Variants in ZNF676 observed in about 807,000 individuals in gnomAD.
ZNF676 encodes zinc finger protein 676.
A neutral mutation model predicts 6.0 loss-of-function variants in ZNF676; 4 were observed. The ratio of observed to expected loss-of-function variants is 0.67; its 90% CI spans 0.33 to 1.53. The LOEUF (loss-of-function observed/expected upper bound fraction) is 1.53. ZNF676 is among the 40% of genes most tolerant of loss of function. The pLI, the probability that ZNF676 is intolerant of heterozygous loss-of-function variation, is 0.06. For synonymous variants in ZNF676, 198 were observed against 223.1 expected (o/e 0.89, Z 1.00); for missense variants, 644 against 679.7 (o/e 0.95, Z 0.58).
At chr19:22,228,672 T>C in the ZNF676 span, among the ~76,000 whole-genome samples, 1 of 152,110 alleles carries the variant, frequency 6.6e-6, no homozygotes, top group Non-Finnish European at 1.5e-5. Flanking sequence ...GGATACAAAA[T>C]CAATGTGCAA....
chr19:22,193,951 G>A (rs1287696372), intron 1 of ZNF676, among the ~76,000 whole-genome samples: 1 of 152,138 alleles, frequency 6.6e-6, no homozygotes, highest in Non-Finnish European at 1.5e-5. Flanking sequence ...CATTTGGGTT[G>A]CACTTGCTTA....
intron 2 of ZNF676, among the ~76,000 whole-genome samples, chr19:22,187,227 C>T (rs1438531782): frequency 1.3e-5 from 2 of 152,172 alleles, no homozygotes; most frequent in African/African-American, 4.8e-5. Flanking sequence ...CACGCAAAAC[C>T]GTACAATTAC....
chr19:22,244,711 C>T, the ZNF676 span: 2 of 152,236 alleles, frequency 1.3e-5, no homozygotes, highest in South Asian at 4.1e-4. Context: ...TCACAATCTT[C>T]TCTATGTGCA....
the ZNF676 span, among the ~76,000 whole-genome samples, chr19:22,253,163 A>G: frequency 6.6e-6 from 1 of 151,930 alleles, no homozygotes; most frequent in African/African-American, 2.4e-5. Flanking sequence ...CCATGTATGA[A>G]CCAGTTTTCC....
At chr19:22,218,693 C>G (rs2024218510), upstream of ZNF676, among the ~76,000 whole-genome samples, 1 of 152,034 alleles carries the variant, frequency 6.6e-6, no homozygotes, top group Non-Finnish European at 1.5e-5. Flanking sequence ...TATCCCAGTA[C>G]CATTCTATTC....
chr19:22,220,461 G>GTTTTTTT (rs58810797), upstream of ZNF676, among the ~76,000 whole-genome samples: 38 of 115,394 alleles, frequency 3.3e-4, no homozygotes, highest in African/African-American at 1.2e-3. Context: ...TTTGTTGGCA[G>GTTTTTTT]TTTTTTTTTT....
In ZNF676 at chr19:22,202,930, A is replaced by C. The variant is rs142362470; in HGVS notation, c.4-6204T>G. Among the ~76,000 whole-genome samples the C allele has an allele frequency of 5.9e-5, 9 of 152,150 alleles. No homozygotes were observed. The East Asian group carries it at 1.2e-3, about 20-fold the overall frequency. On this transcript the variant is annotated intron_variant, in intron 1 of 3. Coordinates refer to the ZNF676 transcript ENST00000650058. ...TGATTCGGGTGCTATCTTTTTGGCT[A>C]TTTACATTTTAAAGCAATAGCTCTC...
chr19:22,221,387 T>C, the ZNF676 span, among the ~76,000 whole-genome samples: 1 of 152,200 alleles, frequency 6.6e-6, no homozygotes, highest in East Asian at 1.9e-4. Flanking sequence ...TGAGTGTTCC[T>C]ATTTGAATTG....
chr19:22,228,560 A>C, the ZNF676 span, among the ~76,000 whole-genome samples: 1 of 152,224 alleles, frequency 6.6e-6, no homozygotes, highest in South Asian at 2.1e-4. Context: ...AGAGGAAGTC[A>C]AATTGTCTCT....
chr19:22,242,437 A>G, the ZNF676 span, among the ~76,000 whole-genome samples: 8,946 of 152,014 alleles, frequency 0.059, 344 homozygotes, highest in Non-Finnish European at 0.088. Flanking sequence ...AACAAGGGTC[A>G]TATTTCTTGG....
At position 22,180,038 on chromosome 19, in the gene ZNF676, G is replaced by A. The variant is rs1476666083; in HGVS notation, c.1679C>T (p.Pro560Leu). ...TTTGCCACATTCTTCACATTTGTAG[G>A]GTTTCTCTCCAGTATGAATTCTCTT... ...RHKRIHTGEK[P>L]YKCEECGKAF... The change falls in exon 3 of 3, where the codon CCC becomes CTC. Residue 560 changes from proline (P) to leucine (L), a missense_variant. By Grantham distance (98) the Pro-to-Leu change is moderately conservative (BLOSUM62 -3). Coordinates refer to ENST00000397121, the MANE Select transcript of ZNF676 (RefSeq NM_001001411.3). The A allele has an allele frequency of 6.2e-7, 1 of 1,613,200 alleles. No individual in the cohort carries two copies. The highest frequency in any genetic ancestry group is 8.5e-7 in the Non-Finnish European group (1 of 1,179,694).
chr19:22,236,181 G>C, the ZNF676 span, among the ~76,000 whole-genome samples: 1 of 151,830 alleles, frequency 6.6e-6, no homozygotes, highest in Admixed American at 6.6e-5. Flanking sequence ...AGCTCTAATG[G>C]CTTCCATTTG....
upstream of ZNF676, among the ~76,000 whole-genome samples, chr19:22,201,167 A>G (rs1336481143): frequency 6.6e-6 from 1 of 152,210 alleles, no homozygotes; most frequent in East Asian, 1.9e-4. Context: ...ACTCTACTCC[A>G]GTATCACATT....
the ZNF676 span, among the ~76,000 whole-genome samples, chr19:22,233,405 T>C: frequency 6.6e-6 from 1 of 152,236 alleles, no homozygotes; most frequent in East Asian, 1.9e-4. Flanking sequence ...TAATCTTTGA[T>C]TGATATTTGG....
At chr19:22,185,403 G>T (rs1296058724) in intron 2 of ZNF676, among the ~76,000 whole-genome samples, 1 of 151,614 alleles carries the variant, frequency 6.6e-6, no homozygotes, top group Non-Finnish European at 1.5e-5. Flanking sequence ...AATCCATAAA[G>T]ATGGGGAGAA....
At chr19:22,252,394 G>GA in the ZNF676 span, among the ~76,000 whole-genome samples, 47,298 of 126,088 alleles carry the variant, frequency 0.38, 8,845 homozygotes, top group South Asian at 0.5. Flanking sequence ...GACTCTGTCT[G>GA]AAAAAAAAAA....
At chr19:22,211,742 A>T (rs1348512950) in intron 1 of ZNF676, among the ~76,000 whole-genome samples, 1 of 152,224 alleles carries the variant, frequency 6.6e-6, no homozygotes, top group East Asian at 1.9e-4. Flanking sequence ...AAAAAAAGAA[A>T]CTGATGTTTT....
chr19:22,185,831 G>GA (rs1162233983), intron 2 of ZNF676, among the ~76,000 whole-genome samples: 1 of 151,858 alleles, frequency 6.6e-6, no homozygotes, highest in Admixed American at 6.6e-5. Flanking sequence ...CAAGATTAGA[G>GA]AAAAAAGAAT....
At chr19:22,197,787 C>T (rs2023983613), upstream of ZNF676, among the ~76,000 whole-genome samples, 1 of 152,044 alleles carries the variant, frequency 6.6e-6, no homozygotes, top group South Asian at 2.1e-4. Context: ...TGTCAGAGAG[C>T]TTATCAACCA....
Sources: gnomAD v4.1 joint callset for allele counts (sites outside exome capture counted in the v4.1 genomes callset) on GRCh38, gnomAD v4.1.1 for gene constraint, MANE v1.5 for transcripts, NCBI Gene and HGNC (gene_info 2026-07-23, HGNC 2026-07-21) for gene names.